The following L3MBTL4 variants were observed in gnomAD, a reference collection of about 807,000 sequenced individuals.
The protein encoded by L3MBTL4 is lethal(3)malignant brain tumor-like protein 4.
A neutral mutation model predicts 84.5 loss-of-function variants in L3MBTL4; 70 were observed. The ratio of observed to expected loss-of-function variants is 0.83; its 90% CI spans 0.68 to 1.01. The LOEUF (loss-of-function observed/expected upper bound fraction) is 1.01, where lower values mean the gene tolerates loss of function less well. Ranked by LOEUF, L3MBTL4 falls within the 50% of genes least tolerant of loss-of-function variation. The probability of loss-of-function intolerance (pLI) is 0.00; values close to 1 mark genes in which losing one functional copy is unlikely to be tolerated. For synonymous variants in L3MBTL4, 274 were observed against 259.8 expected (o/e 1.05, Z -0.52); for missense variants, 715 against 754.8 (o/e 0.95, Z 0.62).
intron 15 of L3MBTL4, among the ~76,000 whole-genome samples, chr18:6,092,739 T>G (rs1159948388): frequency 1.3e-5 from 2 of 152,184 alleles, no homozygotes; most frequent in Non-Finnish European, 2.9e-5. Flanking sequence ...TTTTACTCAT[T>G]TAGGTTAAAA....
chr18:6,101,791 T>G (rs941033528), intron 14 of L3MBTL4, among the ~76,000 whole-genome samples: 2 of 152,220 alleles, frequency 1.3e-5, no homozygotes, highest in African/African-American at 4.8e-5. Flanking sequence ...TCCTGTTGAT[T>G]ACAGGTATTC....
chr18:6,052,244 C>A (rs769744485), intron 16 of L3MBTL4, among the ~76,000 whole-genome samples: 4 of 152,150 alleles, frequency 2.6e-5, no homozygotes, highest in Non-Finnish European at 5.9e-5. Flanking sequence ...CTACTGATAG[C>A]ATGCTACCAA....
chr18:6,100,406 A>G (rs2058782356), intron 14 of L3MBTL4, among the ~76,000 whole-genome samples: 1 of 151,784 alleles, frequency 6.6e-6, no homozygotes, highest in South Asian at 2.1e-4. Flanking sequence ...CATTTGTTTC[A>G]TATTTATTAA....
chr18:6,252,574 T>C (rs929937585), intron 5 of L3MBTL4, among the ~76,000 whole-genome samples: 2 of 152,208 alleles, frequency 1.3e-5, no homozygotes, highest in Non-Finnish European at 2.9e-5. Context: ...TTTATACCCT[T>C]CTGTCTTGTT....
chr18:6,194,665 A>C (rs2045292939), intron 12 of L3MBTL4, among the ~76,000 whole-genome samples: 1 of 152,198 alleles, frequency 6.6e-6, no homozygotes, highest in South Asian at 2.1e-4. Flanking sequence ...TGCAAGTCAC[A>C]GTCAGACAGA....
At chr18:6,133,265 C>T (rs917223044) in intron 14 of L3MBTL4, among the ~76,000 whole-genome samples, 1 of 151,804 alleles carries the variant, frequency 6.6e-6, no homozygotes, top group Non-Finnish European at 1.5e-5. Context: ...TGAAATATGG[C>T]CAAGCGTGTG....
intron 16 of L3MBTL4, among the ~76,000 whole-genome samples, chr18:5,989,804 T>A (rs2053609578): frequency 6.6e-6 from 1 of 152,246 alleles, no homozygotes; most frequent in Non-Finnish European, 1.5e-5. Flanking sequence ...GGCTGCACCC[T>A]GTCTTTTCTC....
chr18:6,054,303 AG>A (rs1192857142), intron 16 of L3MBTL4, among the ~76,000 whole-genome samples: 4 of 152,290 alleles, frequency 2.6e-5, no homozygotes, highest in African/African-American at 9.6e-5. Flanking sequence ...GAGGCAGTGC[AG>A]GATGGCAGTC....
At chr18:5,992,429 G>A (rs1567958313) in intron 16 of L3MBTL4, among the ~76,000 whole-genome samples, 1 of 152,166 alleles carries the variant, frequency 6.6e-6, no homozygotes, top group Non-Finnish European at 1.5e-5. Context: ...GCATGAGGCT[G>A]GAGAGTGAGG....
intron 1 of L3MBTL4, among the ~76,000 whole-genome samples, chr18:6,377,893 G>T (rs1470597653): frequency 2.6e-5 from 4 of 151,978 alleles, no homozygotes; most frequent in Non-Finnish European, 5.9e-5. Context: ...TTGAGGAATT[G>T]CCATGTCTTC....
intron 12 of L3MBTL4, among the ~76,000 whole-genome samples, chr18:6,211,706 T>G (rs556115593): frequency 6.6e-6 from 1 of 151,392 alleles, no homozygotes; most frequent in Non-Finnish European, 1.5e-5. Context: ...TGGAGTGCAG[T>G]GGCATGATCT....
chr18:6,041,182 CCAGTACATG>C (rs2056381363), intron 16 of L3MBTL4, among the ~76,000 whole-genome samples: 2 of 152,352 alleles, frequency 1.3e-5, no homozygotes, highest in South Asian at 4.1e-4. Context: ...GGCGGACTGC[CCAGTACATG>C]CAGTCTATCA....
At chr18:6,222,741 G>T (rs1254206481) in intron 10 of L3MBTL4, among the ~76,000 whole-genome samples, 1 of 151,822 alleles carries the variant, frequency 6.6e-6, no homozygotes, top group African/African-American at 2.4e-5. Context: ...CCTCACATTT[G>T]GTAGGCACTC....
At chr18:6,387,188 A>G (rs1478411360) in intron 1 of L3MBTL4, among the ~76,000 whole-genome samples, 2 of 151,840 alleles carry the variant, frequency 1.3e-5, no homozygotes, top group Non-Finnish European at 2.9e-5. Context: ...CTCCAAATTG[A>G]GGTCTGGGAA....
At chr18:5,984,370 C>G (rs537394069) in intron 16 of L3MBTL4, among the ~76,000 whole-genome samples, 4 of 152,314 alleles carry the variant, frequency 2.6e-5, no homozygotes, top group Admixed American at 2.6e-4. Context: ...GAATATTTCC[C>G]ATCTTAACAC....
At chr18:6,061,204 G>A (rs2057207978) in intron 16 of L3MBTL4, among the ~76,000 whole-genome samples, 1 of 152,068 alleles carries the variant, frequency 6.6e-6, no homozygotes, top group Admixed American at 6.6e-5. Context: ...CCTTCTAGCA[G>A]GTTTTGTAGT....
intron 1 of L3MBTL4, among the ~76,000 whole-genome samples, chr18:6,378,820 A>G (rs995035280): frequency 4.6e-5 from 7 of 152,136 alleles, no homozygotes; most frequent in African/African-American, 1.2e-4. Flanking sequence ...TTGGTTCCCT[A>G]TGAAGTGTAA....
Position 6,093,338 on chromosome 18 carries a change from T to G in L3MBTL4, c.1373+17A>C, listed in dbSNP as rs778108588. On this transcript the variant is annotated intron_variant, in intron 15 of 18. Coordinates refer to ENST00000317931, the MANE Select transcript of L3MBTL4 (RefSeq NM_001330559.2). ...CATGGTTTACTTTCTGGCTCACATTTTTAAGAAGTTTCTTACCTGGGCTGA... is the reference window on the plus strand; with the variant it reads ...CATGGTTTACTTTCTGGCTCACATTGTTAAGAAGTTTCTTACCTGGGCTGA... 5 of 1,582,190 alleles carry G rather than the reference T, an allele frequency of 3.2e-6. No homozygotes were observed. Among genetic ancestry groups the G allele is most frequent in the Non-Finnish European group, 4.3e-6 (5 of 1,169,124 alleles).
chr18:6,257,169 G>T (rs2048179110), intron 5 of L3MBTL4, among the ~76,000 whole-genome samples: 1 of 152,134 alleles, frequency 6.6e-6, no homozygotes, highest in Admixed American at 6.6e-5. Context: ...TCAACTAAGA[G>T]TCAGGGAGGT....
Sources: allele counts gnomAD v4.1 joint callset (sites outside exome capture counted in the v4.1 genomes callset), GRCh38; gene constraint gnomAD v4.1.1; transcripts MANE v1.5; gene names NCBI Gene and HGNC (gene_info 2026-07-23, HGNC 2026-07-21).